Variants in ESRRG observed in about 807,000 individuals in gnomAD.
ESRRG encodes the protein estrogen-related receptor gamma.
ESRRG carries 13 observed loss-of-function variants against 44.0 expected under a neutral mutation model. The ratio of observed to expected loss-of-function variants is 0.30; its 90% CI spans 0.19 to 0.47. The LOEUF (loss-of-function observed/expected upper bound fraction) is 0.47. Ranked by LOEUF, ESRRG falls within the 20% of genes least tolerant of loss-of-function variation. The pLI, the probability that ESRRG is intolerant of heterozygous loss-of-function variation, is 1.00. For synonymous variants in ESRRG, 215 were observed against 214.6 expected, an observed-to-expected ratio of 1.00 and a Z score of -0.02; for missense variants, 395 against 580.6, an observed-to-expected ratio of 0.68 and a Z score of 3.29.
intron 2 of ESRRG, among the ~76,000 whole-genome samples, chr1:216,788,212 A>G (rs1212487258): frequency 6.6e-6 from 1 of 152,192 alleles, no homozygotes; most frequent in African/African-American, 2.4e-5. Flanking sequence ...TTGGAAGAAC[A>G]TGCCATCTAG....
At chr1:217,133,258 G>A (rs544722913) in intron 1 of ESRRG, among the ~76,000 whole-genome samples, 1 of 152,364 alleles carries the variant, frequency 6.6e-6, no homozygotes, top group African/African-American at 2.4e-5. Flanking sequence ...CGTCAAAGGC[G>A]GGAAAAGCCC....
intron 2 of ESRRG, among the ~76,000 whole-genome samples, chr1:216,915,987 C>A (rs540164500): frequency 6.6e-6 from 1 of 152,214 alleles, no homozygotes; most frequent in East Asian, 1.9e-4. Context: ...TCCTTTATAT[C>A]GTACTTTTAA....
chr1:217,127,135 A>G (rs2092902998), intron 1 of ESRRG, among the ~76,000 whole-genome samples: 1 of 152,112 alleles, frequency 6.6e-6, no homozygotes, highest in Non-Finnish European at 1.5e-5. Flanking sequence ...TACTCTTCTG[A>G]TTTTAAACAC....
At chr1:216,636,214 A>G (rs2065266477) in intron 3 of ESRRG, among the ~76,000 whole-genome samples, 1 of 152,228 alleles carries the variant, frequency 6.6e-6, no homozygotes, top group South Asian at 2.1e-4. Context: ...TGTTTACAAT[A>G]CAATTCCAAA....
intron 2 of ESRRG, among the ~76,000 whole-genome samples, chr1:216,877,406 T>G (rs2096374391): frequency 6.6e-6 from 1 of 151,504 alleles, no homozygotes; most frequent in Non-Finnish European, 1.5e-5. Context: ...TGTTTGTTTG[T>G]TTGTTTGTTT....
intron 1 of ESRRG, among the ~76,000 whole-genome samples, chr1:216,679,639 T>C (rs1294070341): frequency 6.6e-6 from 1 of 151,322 alleles, no homozygotes; most frequent in African/African-American, 2.4e-5. Context: ...TTTTCTTTTT[T>C]TTTTTTTTAT....
At chr1:216,738,150 T>C in intron 2 of ESRRG, among the ~76,000 whole-genome samples, 1 of 152,018 alleles carries the variant, frequency 6.6e-6, no homozygotes, top group Non-Finnish European at 1.5e-5. Context: ...GAGGGTGGGG[T>C]CCATACAGTG....
At chr1:217,074,091 G>A (rs553026239) in intron 1 of ESRRG, among the ~76,000 whole-genome samples, 13 of 145,804 alleles carry the variant, frequency 8.9e-5, no homozygotes, top group African/African-American at 1.5e-4. Flanking sequence ...ACTGTCGCCC[G>A]GGCTGGTGTG....
At chr1:216,961,639 C>A (rs549196148) in intron 1 of ESRRG, among the ~76,000 whole-genome samples, 2 of 150,406 alleles carry the variant, frequency 1.3e-5, no homozygotes, top group African/African-American at 4.9e-5. Flanking sequence ...GATTAACAAC[C>A]TTTTATTTTA....
intron 1 of ESRRG, among the ~76,000 whole-genome samples, chr1:216,997,645 T>A (rs2076535763): frequency 6.6e-6 from 1 of 152,216 alleles, no homozygotes; most frequent in Non-Finnish European, 1.5e-5. Flanking sequence ...TTAATTTGCA[T>A]AAAGAGAGAA....
chr1:216,918,857 T>A (rs2061496167), intron 2 of ESRRG, among the ~76,000 whole-genome samples: 1 of 148,280 alleles, frequency 6.7e-6, no homozygotes, highest in East Asian at 1.9e-4. Context: ...TAATAATATA[T>A]ATATTATAGA....
intron 2 of ESRRG, among the ~76,000 whole-genome samples, chr1:216,916,946 G>T (rs1032843712): frequency 4.4e-5 from 6 of 135,462 alleles, no homozygotes; most frequent in Admixed American, 4.2e-4. Context: ...ATTTGCTCAG[G>T]AGTCCATAAT....
chr1:216,969,432 T>C (rs2071172848), intron 1 of ESRRG, among the ~76,000 whole-genome samples: 1 of 152,030 alleles, frequency 6.6e-6, no homozygotes, highest in African/African-American at 2.4e-5. Flanking sequence ...GAAAAAAACA[T>C]AAAAAATAGG....
At chr1:216,964,695 A>G (rs2069870628) in intron 1 of ESRRG, among the ~76,000 whole-genome samples, 1 of 152,028 alleles carries the variant, frequency 6.6e-6, no homozygotes. Context: ...ATGGCTCTCT[A>G]TATTAAAAAT....
intron 2 of ESRRG, among the ~76,000 whole-genome samples, chr1:216,900,319 A>C (rs868470282): frequency 7.2e-5 from 11 of 152,150 alleles, no homozygotes; most frequent in African/African-American, 2.4e-4. Context: ...GCTTTGCCAA[A>C]GACAAATAAA....
intron 1 of ESRRG, among the ~76,000 whole-genome samples, chr1:217,020,149 T>C (rs1190807087): frequency 6.6e-6 from 1 of 152,082 alleles, no homozygotes; most frequent in Non-Finnish European, 1.5e-5. Flanking sequence ...TTTGCTCAAA[T>C]AAATAAGGAG....
chr1:216,996,908 G>T (rs904618997), intron 1 of ESRRG, among the ~76,000 whole-genome samples: 3 of 151,944 alleles, frequency 2.0e-5, no homozygotes, highest in African/African-American at 7.3e-5. Flanking sequence ...AAGTTGGAAA[G>T]AATCTTTTAC....
intron 1 of ESRRG, among the ~76,000 whole-genome samples, chr1:217,106,509 G>C (rs2092598979): frequency 6.6e-6 from 1 of 152,120 alleles, no homozygotes; most frequent in Non-Finnish European, 1.5e-5. Flanking sequence ...TGACAGGGTT[G>C]TAAAAGACAT....
chr1:217,136,322 A>T (rs2093048839), intron 1 of ESRRG, among the ~76,000 whole-genome samples: 1 of 152,200 alleles, frequency 6.6e-6, no homozygotes, highest in Non-Finnish European at 1.5e-5. Context: ...TTTTAGATGG[A>T]AGTGCGAAAG....
Sources: gnomAD v4.1 joint callset for allele counts (sites outside exome capture counted in the v4.1 genomes callset) on GRCh38, gnomAD v4.1.1 for gene constraint, MANE v1.5 for transcripts, NCBI Gene and HGNC (gene_info 2026-07-23, HGNC 2026-07-21) for gene names.